ROBO2: variants seen among roughly 807,000 people sequenced by gnomAD.
ROBO2 encodes the protein roundabout homolog 2.
ROBO2 carries 53 observed loss-of-function variants against 160.8 expected under a neutral mutation model. The ratio of observed to expected loss-of-function variants is 0.33; its 90% CI spans 0.26 to 0.41. ROBO2 has a LOEUF of 0.41. ROBO2 is among the 10% of genes least tolerant of loss of function. The probability of loss-of-function intolerance (pLI) is 1.00; values close to 1 mark genes in which losing one functional copy is unlikely to be tolerated. For synonymous variants in ROBO2, 664 were observed against 611.7 expected, an observed-to-expected ratio of 1.09 and a Z score of -1.26; for missense variants, 1,577 against 1,722.4, an observed-to-expected ratio of 0.92 and a Z score of 1.49.
intron 2 of ROBO2, among the ~76,000 whole-genome samples, chr3:77,104,012 C>T (rs560324923): frequency 2.4e-4 from 37 of 151,964 alleles, no homozygotes; most frequent in South Asian, 8.3e-4. Context: ...AATTAAATTG[C>T]AAAAAGATCA....
chr3:76,376,381 C>CAA (rs1458300854), intron 2 of ROBO2, among the ~76,000 whole-genome samples: 2 of 152,066 alleles, frequency 1.3e-5, no homozygotes, highest in Non-Finnish European at 2.9e-5. Context: ...ACCACACAGT[C>CAA]AAAGAAACCA....
chr3:76,834,288 A>G (rs2067469598), intron 2 of ROBO2, among the ~76,000 whole-genome samples: 1 of 150,790 alleles, frequency 6.6e-6, no homozygotes, highest in African/African-American at 2.4e-5. Flanking sequence ...CCTGGGCTCA[A>G]GGGATCCTCC....
intron 2 of ROBO2, among the ~76,000 whole-genome samples, chr3:76,261,358 C>G (rs1451251484): frequency 2.0e-5 from 3 of 151,758 alleles, no homozygotes; most frequent in African/African-American, 4.8e-5. Context: ...TGTCAGTTTT[C>G]AGAACCAAAA....
At chr3:77,354,442 ATGAATTTGCATC>A (rs1214050958) in intron 2 of ROBO2, among the ~76,000 whole-genome samples, 5 of 70,976 alleles carry the variant, frequency 7.0e-5, no homozygotes, top group Non-Finnish European at 1.1e-4. Context: ...AATTTGCATC[ATGAATTTGCATC>A]TAAAGTCTGG....
intron 2 of ROBO2, among the ~76,000 whole-genome samples, chr3:76,811,230 G>A (rs9848987): frequency 0.075 from 11,484 of 152,170 alleles, 564 homozygotes; most frequent in African/African-American, 0.14. Context: ...AGAGTACTTG[G>A]TGAATGTCCA....
intron 2 of ROBO2, among the ~76,000 whole-genome samples, chr3:76,302,617 A>G (rs1040843863): frequency 2.0e-5 from 3 of 152,060 alleles, no homozygotes; most frequent in Non-Finnish European, 2.9e-5. Context: ...TACTCTTTAT[A>G]TTTACATGCA....
At chr3:76,902,057 T>G (rs1057440796) in intron 2 of ROBO2, among the ~76,000 whole-genome samples, 1 of 152,078 alleles carries the variant, frequency 6.6e-6, no homozygotes, top group African/African-American at 2.4e-5. Context: ...AGTAGACTTT[T>G]GGTATATTGT....
At chr3:76,588,423 C>T (rs1456123407) in intron 2 of ROBO2, among the ~76,000 whole-genome samples, 1 of 152,084 alleles carries the variant, frequency 6.6e-6, no homozygotes, top group African/African-American at 2.4e-5. Context: ...TTGTTAAAGA[C>T]TTCTAGAGGA....
intron 2 of ROBO2, among the ~76,000 whole-genome samples, chr3:76,211,167 G>A (rs956732841): frequency 8.6e-5 from 13 of 151,952 alleles, no homozygotes; most frequent in East Asian, 1.9e-4. Context: ...TCTATAAAGC[G>A]CTTCAGGAGC....
rs2067655365 is a variant in ROBO2, at chr3:76,835,955, G to A, written c.110-262059G>A. 2.0e-5 allele frequency among the ~76,000 whole-genome samples: 3 copies of A among 151,932 alleles called. No individual in the cohort carries two copies. The South Asian group carries it at 6.2e-4, about 31-fold the overall frequency. Reference sequence around the variant, plus strand: ...TTGAATTTGGTACCAATGAGACTAAGCTGCTGAGAGCCATATTTGGAACTA... The same window carrying A: ...TTGAATTTGGTACCAATGAGACTAAACTGCTGAGAGCCATATTTGGAACTA... On this transcript the variant is annotated intron_variant, in intron 2 of 26. Transcript: ENST00000487694.
intron 15 of ROBO2, among the ~76,000 whole-genome samples, chr3:77,578,686 T>C (rs2093832340): frequency 6.6e-6 from 1 of 152,088 alleles, no homozygotes; most frequent in Non-Finnish European, 1.5e-5. Context: ...GAATAAATGC[T>C]TTTACAATAC....
At chr3:76,058,980 C>A (rs201813831) in intron 2 of ROBO2, among the ~76,000 whole-genome samples, 3,036 of 151,122 alleles carry the variant, frequency 0.02, 37 homozygotes, top group East Asian at 0.078. Context: ...GACATGAACT[C>A]ATCATTTTTT....
At chr3:77,386,117 T>C (rs2074073173) in intron 2 of ROBO2, among the ~76,000 whole-genome samples, 1 of 152,200 alleles carries the variant, frequency 6.6e-6, no homozygotes, top group Non-Finnish European at 1.5e-5. Context: ...CTGTGCTAAG[T>C]ATTTTACCTG....
At chr3:76,138,742 T>C (rs2071522014) in intron 2 of ROBO2, among the ~76,000 whole-genome samples, 1 of 152,156 alleles carries the variant, frequency 6.6e-6, no homozygotes, top group South Asian at 2.1e-4. Context: ...GTAAGAACTT[T>C]GACAGCTCAT....
At chr3:76,081,746 T>C (rs527883233) in intron 2 of ROBO2, among the ~76,000 whole-genome samples, 2 of 152,178 alleles carry the variant, frequency 1.3e-5, no homozygotes, top group African/African-American at 4.8e-5. Context: ...TTTAAAGGCC[T>C]GTAGGTGGTA....
intron 2 of ROBO2, among the ~76,000 whole-genome samples, chr3:76,926,335 C>T (rs975317037): frequency 5.3e-5 from 8 of 152,112 alleles, no homozygotes; most frequent in Non-Finnish European, 1.0e-4. Context: ...CAGAGAAAAC[C>T]GATTCCAGGA....
chr3:77,039,586 C>T (rs1430579762), upstream of ROBO2, among the ~76,000 whole-genome samples: 2 of 152,132 alleles, frequency 1.3e-5, no homozygotes, highest in Non-Finnish European at 1.5e-5. Flanking sequence ...AGGAGTCGCC[C>T]GGTGGCCTCG....
chr3:76,708,232 C>A (rs1039128862), intron 2 of ROBO2, among the ~76,000 whole-genome samples: 1 of 152,126 alleles, frequency 6.6e-6, no homozygotes, highest in Non-Finnish European at 1.5e-5. Flanking sequence ...TTTCTCTATA[C>A]TTCTACATGA....
chr3:76,779,776 C>T (rs2062514888), intron 2 of ROBO2, among the ~76,000 whole-genome samples: 1 of 150,824 alleles, frequency 6.6e-6, no homozygotes, highest in Middle Eastern at 3.2e-3. Flanking sequence ...GTATTTACAA[C>T]ATTTTCTTTA....
Sources: gnomAD v4.1 joint callset for allele counts (sites outside exome capture counted in the v4.1 genomes callset) on GRCh38, gnomAD v4.1.1 for gene constraint, MANE v1.5 for transcripts, NCBI Gene and HGNC (gene_info 2026-07-23, HGNC 2026-07-21) for gene names.